DST: variants seen among roughly 807,000 people sequenced by gnomAD.
DST encodes dystonin.
DST carries 253 observed loss-of-function variants against 875.2 expected under a neutral mutation model. The observed-to-expected ratio is 0.29, with a 90% CI of 0.26 to 0.32. The LOEUF is 0.32. Among genes scored for constraint, DST ranks in the 10% least tolerant of loss-of-function variants. The pLI, the probability that DST is intolerant of heterozygous loss-of-function variation, is 1.00. For synonymous variants in DST, 3,124 were observed against 3,197.1 expected, an observed-to-expected ratio of 0.98 and a Z score of 0.77; for missense variants, 8,287 against 9,111.6, an observed-to-expected ratio of 0.91 and a Z score of 3.68.
At chr6:56,600,283 T>C in intron 44 of DST, 62 bp from the exon 45 acceptor site, 1 of 1,485,328 alleles carries the variant, frequency 6.7e-7, no homozygotes, top group Non-Finnish European at 9.3e-7. Context: ...GCTATTGTGA[T>C]AGCTTCTTAT....
At chr6:56,876,597 T>C (rs1447938052) in intron 3 of DST, among the ~76,000 whole-genome samples, 1 of 152,248 alleles carries the variant, frequency 6.6e-6, no homozygotes, top group Non-Finnish European at 1.5e-5. Flanking sequence ...TTTAGAGCTA[T>C]CAAGTCCACC....
At chr6:56,584,434 C>T (rs2098100187) in intron 49 of DST, among the ~76,000 whole-genome samples, 1 of 151,770 alleles carries the variant, frequency 6.6e-6, no homozygotes, top group South Asian at 2.1e-4. Flanking sequence ...GATTTTTGTA[C>T]ATTGATTTTG....
chr6:56,777,922 C>T (rs2099682449), intron 4 of DST, among the ~76,000 whole-genome samples: 1 of 152,000 alleles, frequency 6.6e-6, no homozygotes, highest in African/African-American at 2.4e-5. Context: ...AGGCTGGTCT[C>T]AAATGCCTGA....
chr6:56,730,805 T>C (rs2099494489), intron 5 of DST, among the ~76,000 whole-genome samples: 1 of 152,218 alleles, frequency 6.6e-6, no homozygotes, highest in Admixed American at 6.5e-5. Flanking sequence ...TTCTGAAGAA[T>C]GATGAATCAA....
chr6:56,523,002 A>T (rs1340068977), intron 69 of DST, among the ~76,000 whole-genome samples: 1 of 152,148 alleles, frequency 6.6e-6, no homozygotes, highest in East Asian at 1.9e-4. Flanking sequence ...AAATGCAAAA[A>T]TATGTACAGT....
At chr6:56,922,876 T>C (rs563218594) in intron 2 of DST, among the ~76,000 whole-genome samples, 1 of 152,334 alleles carries the variant, frequency 6.6e-6, no homozygotes, top group South Asian at 2.1e-4. Flanking sequence ...TAATGGGTGC[T>C]TGTTAAACAT....
chr6:56,492,389 C>T lies in DST; in HGVS notation c.20595G>A (p.Glu6865=). 1 of 1,613,802 alleles carries T rather than the reference C, an allele frequency of 6.2e-7. No homozygotes were observed. Among genetic ancestry groups the T allele is most frequent in the Non-Finnish European group, 8.5e-7 (1 of 1,179,802 alleles). ...TTAGGTGGGTTCCAGTTTTGTCCAGCTCTATTATCTGCTCACGATGAGAAT... is the reference window on the plus strand; with the variant it reads ...TTAGGTGGGTTCCAGTTTTGTCCAGTTCTATTATCTGCTCACGATGAGAAT... ...EVNSHREQII[E]LDKTGTHLKY... is the part of the protein sequence containing the mutation. The change falls in exon 85 of 104, where the codon GAG becomes GAA. Residue 6865 remains glutamate (E), a synonymous_variant. Coordinates refer to ENST00000680361, the MANE Select transcript of DST (RefSeq NM_001374736.1).
chr6:56,632,605 GA>G (rs2098790848), intron 28 of DST, among the ~76,000 whole-genome samples: 1 of 152,192 alleles, frequency 6.6e-6, no homozygotes, highest in African/African-American at 2.4e-5. Context: ...TGAAAACGTT[GA>G]AAAGTAAGAA....
chr6:56,620,142 G>T lies in DST; in HGVS notation c.4929+4388C>A, dbSNP rs1189065013. 2.5e-6 allele frequency: 4 copies of T among 1,613,318 alleles called. No homozygotes were observed. The African/African-American group carries it at 5.3e-5, about 22-fold the overall frequency. Reference sequence around the variant, plus strand: ...TCTGCTACCTGTTTCTGAAATGCAAGGTCTTTTTCCATCTGCTTTATCAGC... The same window carrying T: ...TCTGCTACCTGTTTCTGAAATGCAATGTCTTTTTCCATCTGCTTTATCAGC... On this transcript the variant is annotated intron_variant, in intron 36 of 103. Coordinates refer to ENST00000680361, the MANE Select transcript of DST (RefSeq NM_001374736.1).
chr6:56,564,666 G>A (rs908822306), intron 55 of DST, among the ~76,000 whole-genome samples: 5 of 152,296 alleles, frequency 3.3e-5, no homozygotes, highest in South Asian at 2.1e-4. Context: ...CAAAGGGAAC[G>A]CTTCCAGCTT....
At chr6:56,704,825 G>A (rs904879294) in intron 5 of DST, among the ~76,000 whole-genome samples, 5 of 152,200 alleles carry the variant, frequency 3.3e-5, no homozygotes, top group Non-Finnish European at 7.3e-5. Flanking sequence ...GCTGGGTGAA[G>A]AGTATGAGAC....
chr6:56,566,329 A>T (rs986623046), intron 55 of DST, among the ~76,000 whole-genome samples: 1 of 152,182 alleles, frequency 6.6e-6, no homozygotes, highest in African/African-American at 2.4e-5. Flanking sequence ...CTGGTGGTGC[A>T]GGCACCCGAG....
Position 56,529,658 on chromosome 6 carries a change from T to G in DST, c.17385A>C (p.Leu5795Phe), listed in dbSNP as rs781167503. 18 of 1,613,856 alleles carry G rather than the reference T, an allele frequency of 1.1e-5. No homozygotes were observed. In the East Asian group the frequency reaches 4.0e-4, roughly 36 times the overall value. Reference protein sequence around the residue: ...REDKDMVQSKLDFSQVWYIEI... With the variant: ...REDKDMVQSKFDFSQVWYIEI... The stretch of plus-strand genomic sequence containing the variant: ...CAATGTACCATACTTGAGAGAAGTC[T>G]AATTTACTCTGCACCATATCTTTAT... Residue 5795 changes from leucine (L) to phenylalanine (F), a missense_variant, in exon 66 of 104, where the codon TTA (leucine) becomes TTC (phenylalanine). Leu to Phe is a conservative substitution (Grantham distance 22). Transcript: ENST00000680361.
At chr6:56,867,984 G>T (rs541705769) in intron 3 of DST, among the ~76,000 whole-genome samples, 8 of 152,136 alleles carry the variant, frequency 5.3e-5, no homozygotes, top group Non-Finnish European at 8.8e-5. Flanking sequence ...CCGTGTTCTA[G>T]AAATAAACTT....
chr6:56,789,175 A>C (rs549377031), intron 4 of DST, among the ~76,000 whole-genome samples: 1 of 151,972 alleles, frequency 6.6e-6, no homozygotes, highest in Admixed American at 6.6e-5. Flanking sequence ...TATAAAAAAA[A>C]TTTTTTTTAA....
Position 56,603,291 on chromosome 6 carries a change from G to A in DST, c.11071C>T (p.Gln3691Ter), listed in dbSNP as rs2098462327. 1 of 1,610,528 alleles carries A rather than the reference G, an allele frequency of 6.2e-7. No homozygotes were observed. The highest frequency in any genetic ancestry group is 1.7e-5 in the Admixed American group (1 of 59,660). ...GHVEELSISH[Q>*]SLKTAFSSLS... ...GAAGAGAAGGCGGTCTTCAAACTCTGGTGGCTAATACTCAATTCTTCAACA... is the reference window on the plus strand; with the variant it reads ...GAAGAGAAGGCGGTCTTCAAACTCTAGTGGCTAATACTCAATTCTTCAACA... Residue 3691 changes from glutamine (Q) to a stop codon, truncating the protein, a stop_gained, in exon 42 of 104, where the codon CAG (glutamine) becomes TAG (stop). Transcript: ENST00000680361. LOFTEE classifies it high-confidence loss of function.
At position 56,954,470 on chromosome 6, in the gene DST, G is replaced by A. The variant is rs1307235967; in HGVS notation, c.118C>T (p.Arg40Cys). The change falls in exon 1 of 104, where the codon CGC becomes TGC. Residue 40 changes from arginine to cysteine, a missense_variant. Arg to Cys is a radical substitution (Grantham distance 180). Coordinates refer to ENST00000680361, the MANE Select transcript of DST (RefSeq NM_001374736.1). The stretch of plus-strand genomic sequence containing the variant: ...GGATGCCTCCCTTTCTGGAGCTTGC[G>A]GTGCCAGCAGCAGAAGAAGACGATG... ...ATIVFFCCWH[R>C]KLQKGRHPMK... 12 of 1,367,548 alleles carry A rather than the reference G, an allele frequency of 8.8e-6. No homozygotes were observed. Among genetic ancestry groups the A allele is most frequent in the Non-Finnish European group, 1.2e-5 (12 of 1,021,822 alleles). 84.7% of individuals were successfully genotyped at this position (1,367,548 alleles called of 1,614,324 possible). A position where few individuals can be genotyped will look rare whatever the true frequency, so the allele number is the denominator to read the frequency against.
At chr6:56,670,208 G>A (rs2099094326) in intron 10 of DST, among the ~76,000 whole-genome samples, 1 of 151,446 alleles carries the variant, frequency 6.6e-6, no homozygotes, top group South Asian at 2.1e-4. Context: ...CCTCTAAGTA[G>A]TGGAAATGTG....
chr6:56,536,868 T>C lies in DST; in HGVS notation c.16681A>G (p.Ile5561Val), dbSNP rs2097013878. 6.2e-7 allele frequency: 1 copy of C among 1,613,832 alleles called. No individual in the cohort carries two copies. Among genetic ancestry groups the C allele is most frequent in the African/African-American group, 1.3e-5 (1 of 75,050 alleles). The change falls in exon 62 of 104, where the codon ATT becomes GTT. Residue 5561 changes from isoleucine (I) to valine (V), a missense_variant. Ile to Val is a conservative substitution (Grantham distance 29). Transcript: ENST00000680361. ...CTAGTGCTTTTGGCAGCACTCTGAA[T>C]AAGGCCTTGACCTAACCAGTTTACA... ...QDVNWLGQGL[I>V]QSAAKSTSTQ... is the part of the protein sequence containing the mutation.
Sources: gnomAD v4.1 joint callset for allele counts (sites outside exome capture counted in the v4.1 genomes callset) on GRCh38, gnomAD v4.1.1 for gene constraint, MANE v1.5 for transcripts, NCBI Gene and HGNC (gene_info 2026-07-23, HGNC 2026-07-21) for gene names.